NAV2: variants seen among roughly 807,000 people sequenced by gnomAD.
NAV2 encodes helicase, APC down-regulated 1.
NAV2 carries 54 observed loss-of-function variants against 223.2 expected under a neutral mutation model. The ratio of observed to expected loss-of-function variants is 0.24; its 90% confidence interval spans 0.19 to 0.30. The LOEUF (loss-of-function observed/expected upper bound fraction) is 0.30. Among genes scored for constraint, NAV2 ranks in the 10% least tolerant of loss-of-function variants. NAV2 has a pLI of 1.00. For synonymous variants in NAV2, 1,279 were observed against 1,239.3 expected, an observed-to-expected ratio of 1.03 and a Z score of -0.67; for missense variants, 2,806 against 3,147.5, an observed-to-expected ratio of 0.89 and a Z score of 2.60.
At chr11:19,851,704 A>G (rs753895917) in intron 3 of NAV2, among the ~76,000 whole-genome samples, 1 of 152,210 alleles carries the variant, frequency 6.6e-6, no homozygotes, top group Non-Finnish European at 1.5e-5. Flanking sequence ...TTCCTATTCA[A>G]AAAGTACGCC....
At chr11:19,862,334 A>T (rs2153023654) in intron 3 of NAV2, among the ~76,000 whole-genome samples, 1 of 152,366 alleles carries the variant, frequency 6.6e-6, no homozygotes, top group East Asian at 1.9e-4. Flanking sequence ...CAGGAGGAGA[A>T]GCAGTCTGGC....
chr11:19,575,166 C>G (rs1483563830), intron 1 of NAV2: 1 of 152,844 alleles, frequency 6.5e-6, no homozygotes, highest in Non-Finnish European at 1.5e-5. Context: ...TAATCATGTC[C>G]ACATTCCTCA....
intron 1 of NAV2, among the ~76,000 whole-genome samples, chr11:19,783,468 C>T (rs1273134736): frequency 1.3e-5 from 2 of 152,122 alleles, no homozygotes; most frequent in Admixed American, 6.5e-5. Context: ...AGATTGAGTC[C>T]CCTTTTTTTA....
chr11:19,374,719 A>G (rs902605301), intron 1 of NAV2, among the ~76,000 whole-genome samples: 31 of 152,202 alleles, frequency 2.0e-4, no homozygotes, highest in Non-Finnish European at 4.0e-4. Context: ...TGGAAATATC[A>G]TGAATTCAGG....
At chr11:20,004,413 G>A (rs1037175214) in intron 11 of NAV2, among the ~76,000 whole-genome samples, 6 of 152,082 alleles carry the variant, frequency 3.9e-5, no homozygotes, top group Non-Finnish European at 5.9e-5. Flanking sequence ...CCCCACTGCC[G>A]TAAGTCAATA....
chr11:20,100,193 A>G (rs2061532081), intron 31 of NAV2, among the ~76,000 whole-genome samples: 1 of 152,220 alleles, frequency 6.6e-6, no homozygotes, highest in Non-Finnish European at 1.5e-5. Flanking sequence ...TCTTAGAGAC[A>G]GTATCCAAAA....
chr11:19,479,339 T>C (rs1319281753), intron 1 of NAV2, among the ~76,000 whole-genome samples: 7 of 152,120 alleles, frequency 4.6e-5, no homozygotes, highest in Admixed American at 3.9e-4. Flanking sequence ...TTTTCGGAGA[T>C]TGCTTCTTTT....
At chr11:19,740,426 G>A (rs997853451) in intron 1 of NAV2, among the ~76,000 whole-genome samples, 5 of 152,242 alleles carry the variant, frequency 3.3e-5, no homozygotes, top group South Asian at 2.1e-4. Flanking sequence ...AAACACTGCC[G>A]AAGGCCACAG....
intron 20 of NAV2, among the ~76,000 whole-genome samples, chr11:20,063,065 A>T (rs755546762): frequency 2.0e-5 from 3 of 152,242 alleles, no homozygotes; most frequent in Non-Finnish European, 2.9e-5. Context: ...TGAGGATTAA[A>T]TGTTATAAAG....
intron 25 of NAV2, among the ~76,000 whole-genome samples, chr11:20,080,675 A>G (rs1051434126): frequency 2.0e-5 from 3 of 152,166 alleles, no homozygotes; most frequent in African/African-American, 7.2e-5. Flanking sequence ...CTCTTTGAAA[A>G]CTTTTTGACC....
At chr11:19,734,849 G>C (rs1260216007) in intron 1 of NAV2, among the ~76,000 whole-genome samples, 1 of 152,164 alleles carries the variant, frequency 6.6e-6, no homozygotes, top group Non-Finnish European at 1.5e-5. Flanking sequence ...GCCATGGAGG[G>C]CTGGGTCAAG....
At chr11:19,467,724 C>T (rs924629160) in intron 1 of NAV2, among the ~76,000 whole-genome samples, 1 of 152,146 alleles carries the variant, frequency 6.6e-6, no homozygotes, top group Non-Finnish European at 1.5e-5. Flanking sequence ...GTCTTTGGAG[C>T]AGGTTGTCTA....
At chr11:19,558,177 T>G (rs2044968267) in intron 1 of NAV2, among the ~76,000 whole-genome samples, 1 of 152,202 alleles carries the variant, frequency 6.6e-6, no homozygotes, top group South Asian at 2.1e-4. Context: ...TGAATACACA[T>G]TAGGCACTTT....
intron 1 of NAV2, among the ~76,000 whole-genome samples, chr11:19,513,322 A>C (rs989125286): frequency 7.2e-5 from 11 of 152,214 alleles, no homozygotes; most frequent in Middle Eastern, 3.2e-3. Context: ...AATGACCCCA[A>C]TCTTTGCAGT....
chr11:19,393,750 C>A (rs181077798), intron 1 of NAV2, among the ~76,000 whole-genome samples: 1 of 152,044 alleles, frequency 6.6e-6, no homozygotes, highest in African/African-American at 2.4e-5. Context: ...TTTGGATTTT[C>A]TTCTTTTTTC....
intron 10 of NAV2, among the ~76,000 whole-genome samples, chr11:19,973,567 G>A (rs1003856569): frequency 2.6e-5 from 4 of 152,172 alleles, no homozygotes; most frequent in African/African-American, 9.7e-5. Context: ...GGAGATTGGT[G>A]AAAGCCAAGA....
At chr11:20,097,266 G>T (rs2061339978) in intron 30 of NAV2, among the ~76,000 whole-genome samples, 1 of 152,092 alleles carries the variant, frequency 6.6e-6, no homozygotes, top group Non-Finnish European at 1.5e-5. Context: ...CAAGACTTCA[G>T]CCGAACTTAG....
intron 10 of NAV2, among the ~76,000 whole-genome samples, chr11:19,970,989 C>T (rs1489203377): frequency 6.6e-6 from 1 of 152,122 alleles, no homozygotes; most frequent in Admixed American, 6.5e-5. Context: ...GTGTGGTGTC[C>T]TCAAGTGGGA....
chr11:19,991,209 A>G (rs1290938289), intron 11 of NAV2, among the ~76,000 whole-genome samples: 1 of 152,040 alleles, frequency 6.6e-6, no homozygotes, highest in Admixed American at 6.6e-5. Context: ...GCTGACTGCA[A>G]CCTCCACCCC....
Sources: gnomAD v4.1 joint callset for allele counts (sites outside exome capture counted in the v4.1 genomes callset) on GRCh38, gnomAD v4.1.1 for gene constraint, MANE v1.5 for transcripts, NCBI Gene and HGNC (gene_info 2026-07-23, HGNC 2026-07-21) for gene names.